Variants in PTPRO observed in about 807,000 individuals in gnomAD.
PTPRO encodes the protein receptor-type tyrosine-protein phosphatase O.
In PTPRO, 62 loss-of-function variants were observed where a neutral mutation model predicts 145.2. The observed-to-expected ratio is 0.43, with a 90% CI of 0.35 to 0.53. PTPRO has a LOEUF of 0.53. PTPRO is among the 20% of genes least tolerant of loss of function. PTPRO has a pLI of 0.01. For synonymous variants in PTPRO, 565 were observed against 514.7 expected, an observed-to-expected ratio of 1.10 and a Z score of -1.32; for missense variants, 1,345 against 1,482.7, an observed-to-expected ratio of 0.91 and a Z score of 1.53.
chr12:15,472,203 G>A (rs1941557827), intron 1 of PTPRO, among the ~76,000 whole-genome samples: 1 of 152,144 alleles, frequency 6.6e-6, no homozygotes, highest in African/African-American at 2.4e-5. Flanking sequence ...CACACAGTCT[G>A]ATTTGGTGCA....
At position 15,562,141 on chromosome 12, in the gene PTPRO, C is replaced by G. The variant is rs550457503; in HGVS notation, c.2711+1865C>G. Among the ~76,000 whole-genome samples, 90 of 152,236 alleles carry G rather than the reference C, an allele frequency of 5.9e-4. No homozygotes were observed. In the Middle Eastern group the frequency reaches 0.01, roughly 17 times the overall value. On this transcript the variant is annotated intron_variant, in intron 17 of 26. Transcript: ENST00000281171. Reference sequence around the variant, plus strand: ...CTTCAGTAAATTTCACACATATCAACTAGTAAAAACATACTGGATATAAAC... The same window carrying G: ...CTTCAGTAAATTTCACACATATCAAGTAGTAAAAACATACTGGATATAAAC...
At chr12:15,534,861 G>T (rs928192312) in intron 12 of PTPRO, among the ~76,000 whole-genome samples, 1 of 152,192 alleles carries the variant, frequency 6.6e-6, no homozygotes, top group African/African-American at 2.4e-5. Context: ...TAATTAAGGG[G>T]CTATTTGTGC....
At chr12:15,375,011 G>A (rs995186773) in intron 1 of PTPRO, among the ~76,000 whole-genome samples, 3 of 152,126 alleles carry the variant, frequency 2.0e-5, no homozygotes, top group Non-Finnish European at 2.9e-5. Context: ...CACACACAAA[G>A]CCTCTTGGCA....
At chr12:15,517,068 CAT>C in intron 9 of PTPRO, 112 bp downstream of exon 9, 3 of 1,038,490 alleles carry the variant, frequency 2.9e-6, no homozygotes, top group Non-Finnish European at 3.0e-6. Context: ...TGTAAATACA[CAT>C]AGTGTGTTAG....
intron 12 of PTPRO, among the ~76,000 whole-genome samples, chr12:15,535,841 C>T (rs955654795): frequency 2.0e-5 from 3 of 152,140 alleles, no homozygotes; most frequent in Admixed American, 6.5e-5. Flanking sequence ...TAATCTTACT[C>T]ATACAAACCT....
intron 1 of PTPRO, among the ~76,000 whole-genome samples, chr12:15,412,887 G>T (rs187555635): frequency 1.3e-5 from 2 of 151,994 alleles, no homozygotes; most frequent in African/African-American, 2.4e-5. Flanking sequence ...TTCACCTCCC[G>T]GGTTCAAGTT....
chr12:15,344,188 A>G (rs977667259), intron 1 of PTPRO, among the ~76,000 whole-genome samples: 150 of 152,328 alleles, frequency 9.8e-4, no homozygotes, highest in African/African-American at 3.5e-3. Context: ...ACACTTGAAC[A>G]TTGTTAATGT....
intron 10 of PTPRO, among the ~76,000 whole-genome samples, chr12:15,523,446 C>A (rs182620312): frequency 3.3e-5 from 5 of 152,280 alleles, no homozygotes; most frequent in African/African-American, 9.6e-5. Flanking sequence ...GTGATGAATT[C>A]TCTTCCCTCG....
chr12:15,515,418 C>G, intron 7 of PTPRO, 80 bp from the exon 8 acceptor site: 1 of 1,558,528 alleles, frequency 6.4e-7, no homozygotes, highest in Non-Finnish European at 8.8e-7. Context: ...CAAAAAGAGT[C>G]TCTGAATATT....
At chr12:15,329,976 G>A (rs1041474493) in intron 1 of PTPRO, among the ~76,000 whole-genome samples, 2 of 152,206 alleles carry the variant, frequency 1.3e-5, no homozygotes, top group African/African-American at 4.8e-5. Flanking sequence ...GCATGGCAGA[G>A]TTTAGGAAAA....
At chr12:15,445,480 A>G (rs535533122) in intron 1 of PTPRO, among the ~76,000 whole-genome samples, 18 of 152,144 alleles carry the variant, frequency 1.2e-4, no homozygotes, top group Non-Finnish European at 2.2e-4. Context: ...TTATTGTAAG[A>G]AAATGAAAGG....
intron 1 of PTPRO, among the ~76,000 whole-genome samples, chr12:15,398,414 T>C (rs1018810512): frequency 2.0e-5 from 3 of 151,446 alleles, no homozygotes; most frequent in Non-Finnish European, 4.4e-5. Context: ...CTGAGCGCAG[T>C]GGAGAAAACA....
At chr12:15,459,269 G>A (rs1591830041) in intron 1 of PTPRO, among the ~76,000 whole-genome samples, 1 of 152,130 alleles carries the variant, frequency 6.6e-6, no homozygotes, top group East Asian at 1.9e-4. Flanking sequence ...TGTGATGGGG[G>A]CCGGCATGCT....
At chr12:15,502,647 T>TTATA (rs1198476418) in intron 5 of PTPRO, among the ~76,000 whole-genome samples, 1 of 152,198 alleles carries the variant, frequency 6.6e-6, no homozygotes, top group Non-Finnish European at 1.5e-5. Flanking sequence ...AGCTACTATA[T>TTATA]TATATTTTGC....
Position 15,400,795 on chromosome 12 carries a change from A to G in PTPRO, c.75+77994A>G, listed in dbSNP as rs184032766. 9.2e-4 allele frequency among the ~76,000 whole-genome samples: 140 copies of G among 152,364 alleles called. 1 individual carries two copies. Among genetic ancestry groups the G allele is most frequent in the African/African-American group, 3.2e-3 (135 of 41,590 alleles). On this transcript the variant is annotated intron_variant, in intron 1 of 26. Transcript: ENST00000281171. Reference sequence around the variant, plus strand: ...TATACCAAAACTCCTACCTTCATGTATCTTCCATTCTAGTGAGTAACACTA... The same window carrying G: ...TATACCAAAACTCCTACCTTCATGTGTCTTCCATTCTAGTGAGTAACACTA...
chr12:15,523,043 GA>G (rs1378474446), intron 10 of PTPRO, among the ~76,000 whole-genome samples: 2 of 152,198 alleles, frequency 1.3e-5, no homozygotes, highest in East Asian at 3.8e-4. Context: ...ATATGATGTA[GA>G]TTTGTGTTAC....
At chr12:15,401,910 A>G (rs576991540) in intron 1 of PTPRO, among the ~76,000 whole-genome samples, 2 of 152,366 alleles carry the variant, frequency 1.3e-5, no homozygotes, top group South Asian at 4.1e-4. Context: ...TCCTAACTAT[A>G]GGTCATGCCT....
chr12:15,484,840 GA>G (rs1303750344), intron 2 of PTPRO, among the ~76,000 whole-genome samples: 2 of 152,028 alleles, frequency 1.3e-5, no homozygotes, highest in African/African-American at 4.8e-5. Context: ...CTGACATTGG[GA>G]AATTTTTAGG....
intron 15 of PTPRO, among the ~76,000 whole-genome samples, chr12:15,556,249 A>G (rs1353873487): frequency 1.3e-5 from 2 of 152,216 alleles, no homozygotes; most frequent in Admixed American, 6.5e-5. Flanking sequence ...ATAATACACT[A>G]TGATATTATA....
Sources: gnomAD v4.1 joint callset for allele counts (sites outside exome capture counted in the v4.1 genomes callset) on GRCh38, gnomAD v4.1.1 for gene constraint, MANE v1.5 for transcripts, NCBI Gene and HGNC (gene_info 2026-07-23, HGNC 2026-07-21) for gene names.